Variants in CRACR2A observed in about 807,000 individuals in gnomAD.
CRACR2A encodes EF-hand calcium-binding domain-containing protein 4B.
In CRACR2A, 79 loss-of-function variants were observed where a neutral mutation model predicts 90.5. That is an observed-to-expected ratio of 0.87 (90% confidence interval 0.73 to 1.05). CRACR2A has a LOEUF of 1.05. Ranked by LOEUF, CRACR2A falls within the 50% of genes least tolerant of loss-of-function variation. CRACR2A has a pLI of 0.00. For missense variants in CRACR2A, 823 were observed against 897.2 expected (o/e 0.92, Z 1.06); for synonymous variants, 338 against 356.7 (o/e 0.95, Z 0.59).
At chr12:3,654,462 C>T (rs1944863287) in intron 9 of CRACR2A, 63 bp from the exon 10 acceptor site, 1 of 1,483,152 alleles carries the variant, frequency 6.7e-7, no homozygotes, top group East Asian at 2.4e-5. Context: ...AGGGCCTGCC[C>T]TGGCCTCACC....
chr12:3,712,057 C>T (rs546456254), intron 3 of CRACR2A, among the ~76,000 whole-genome samples: 13 of 152,268 alleles, frequency 8.5e-5, no homozygotes, highest in African/African-American at 3.1e-4. Context: ...CAATTATTTC[C>T]CCATCAAACC....
chr12:3,707,828 C>A (rs1282261285), intron 3 of CRACR2A, among the ~76,000 whole-genome samples: 1 of 152,132 alleles, frequency 6.6e-6, no homozygotes, highest in Non-Finnish European at 1.5e-5. Context: ...CCTTTCTTAT[C>A]GTTGTCTATA....
intron 1 of CRACR2A, among the ~76,000 whole-genome samples, chr12:3,744,137 C>T (rs149755030): frequency 1.9e-3 from 282 of 152,316 alleles, no homozygotes; most frequent in African/African-American, 6.3e-3. Flanking sequence ...AGCCAGAGAA[C>T]GTGCACCAAT....
Position 3,741,769 on chromosome 12 carries a change from T to A in CRACR2A, c.-386-8559A>T, listed in dbSNP as rs117597920. Among the ~76,000 whole-genome samples, 405 of 152,332 alleles carry A rather than the reference T, an allele frequency of 2.7e-3. 9 individuals carry two copies. The East Asian group carries it at 0.055, about 21-fold the overall frequency. On this transcript the variant is annotated intron_variant, in intron 1 of 19. Coordinates refer to ENST00000440314, the MANE Select transcript of CRACR2A (RefSeq NM_001144958.2). The stretch of plus-strand genomic sequence containing the variant: ...GAACAGCATTAGGAGTCACATCACA[T>A]CGGCATTTGCATTCAGAATGGGACA...
At chr12:3,621,396 CTT>C (rs796347863) in intron 17 of CRACR2A, among the ~76,000 whole-genome samples, 25 of 133,822 alleles carry the variant, frequency 1.9e-4, no homozygotes, top group East Asian at 4.3e-4. Flanking sequence ...CAGGTTTCTT[CTT>C]TTTTTTTTTT....
At chr12:3,618,060 C>A (rs1591630173) in intron 18 of CRACR2A, among the ~76,000 whole-genome samples, 2 of 152,026 alleles carry the variant, frequency 1.3e-5, no homozygotes, top group South Asian at 2.1e-4. Flanking sequence ...GGACTTAGAA[C>A]TGGAAGACAT....
chr12:3,739,286 C>T lies in CRACR2A; in HGVS notation c.-386-6076G>A, dbSNP rs549187203. Among the ~76,000 whole-genome samples the T allele has an allele frequency of 2.0e-5, 3 of 152,288 alleles. No individual in the cohort carries two copies. In the South Asian group the frequency reaches 6.2e-4, roughly 32 times the overall value. The stretch of plus-strand genomic sequence containing the variant: ...TATCTGAGAAACTTCAATCAAATTA[C>T]TTAATCTGTCAGAGTCTTGATTTCT... On this transcript the variant is annotated intron_variant, in intron 1 of 19. Transcript: ENST00000440314.
At chr12:3,743,087 G>C (rs1316968728) in intron 1 of CRACR2A, among the ~76,000 whole-genome samples, 1 of 152,358 alleles carries the variant, frequency 6.6e-6, no homozygotes, top group Non-Finnish European at 1.5e-5. Flanking sequence ...GATGTGGTGT[G>C]TGTTACAATC....
At chr12:3,622,874 G>T (rs773028729) in intron 17 of CRACR2A, among the ~76,000 whole-genome samples, 5 of 152,072 alleles carry the variant, frequency 3.3e-5, no homozygotes, top group Non-Finnish European at 7.4e-5. Context: ...ATTTTAAACT[G>T]CCAGCACTTC....
At chr12:3,641,902 G>A in intron 12 of CRACR2A, 64 bp from the exon 13 acceptor site, 2 of 1,424,008 alleles carry the variant, frequency 1.4e-6, no homozygotes, top group Non-Finnish European at 1.9e-6. Flanking sequence ...ACAGAAAAGG[G>A]CTCATGGTTC....
chr12:3,681,633 C>T (rs1010353769), intron 4 of CRACR2A, among the ~76,000 whole-genome samples: 1 of 152,204 alleles, frequency 6.6e-6, no homozygotes, highest in East Asian at 1.9e-4. Context: ...AAGCGGTAAC[C>T]GTGCGAAATT....
intron 4 of CRACR2A, among the ~76,000 whole-genome samples, chr12:3,692,642 A>G (rs537996566): frequency 6.6e-6 from 1 of 152,300 alleles, no homozygotes; most frequent in East Asian, 1.9e-4. Context: ...ACGTGCCAAC[A>G]GCAGCAGTGG....
chr12:3,751,065 T>C (rs760067661), intron 1 of CRACR2A, among the ~76,000 whole-genome samples: 5 of 152,212 alleles, frequency 3.3e-5, no homozygotes, highest in Non-Finnish European at 5.9e-5. Flanking sequence ...TCTACTCCAT[T>C]GTTCTCTGGG....
At chr12:3,707,121 GC>G (rs2137750804) in intron 3 of CRACR2A, among the ~76,000 whole-genome samples, 1 of 152,222 alleles carries the variant, frequency 6.6e-6, no homozygotes, top group South Asian at 2.1e-4. Context: ...AGGTGAATAT[GC>G]CCCACCAGCC....
rs771302213 is a variant in CRACR2A at position 3,680,270 on chromosome 12, T to C, written c.308A>G (p.Tyr103Cys). ...AGTAGTGAACTCCTGTGGGGTCAGA[T>C]AGCCATTGCCATCAGCATCCAGGGC... Reference protein sequence around the residue: ...FDALDADGNGYLTPQEFTTGF... With the variant: ...FDALDADGNGCLTPQEFTTGF... The change falls in exon 5 of 20, where the codon TAT becomes TGT. Residue 103 changes from tyrosine (Y) to cysteine (C), a missense_variant. By Grantham distance (194) the Tyr-to-Cys change is radical. Transcript: ENST00000440314. 22 of 1,614,064 alleles carry C rather than the reference T, an allele frequency of 1.4e-5. 1 individual carries two copies. The East Asian group carries it at 3.1e-4, about 23-fold the overall frequency.
intron 14 of CRACR2A, among the ~76,000 whole-genome samples, chr12:3,634,845 T>A (rs1277599100): frequency 9.2e-5 from 14 of 152,080 alleles, no homozygotes; most frequent in African/African-American, 2.9e-4. Flanking sequence ...TCTACAAAAA[T>A]TTAAACTAAA....
At chr12:3,703,163 T>C (rs868403905) in intron 3 of CRACR2A, among the ~76,000 whole-genome samples, 8 of 152,196 alleles carry the variant, frequency 5.3e-5, no homozygotes, top group Non-Finnish European at 8.8e-5. Context: ...ATCTCTGGCT[T>C]ACTGCAAGCT....
chr12:3,650,781 T>C (rs1944781059), intron 10 of CRACR2A, among the ~76,000 whole-genome samples: 1 of 152,222 alleles, frequency 6.6e-6, no homozygotes, highest in African/African-American at 2.4e-5. Context: ...ATTCTAAGTC[T>C]TCTCTGGCTC....
At chr12:3,684,889 C>T (rs1036624709) in intron 4 of CRACR2A, among the ~76,000 whole-genome samples, 1 of 152,214 alleles carries the variant, frequency 6.6e-6, no homozygotes, top group African/African-American at 2.4e-5. Flanking sequence ...GCTGCTGACC[C>T]TGAAGGCAAG....
Sources: allele counts gnomAD v4.1 joint callset (sites outside exome capture counted in the v4.1 genomes callset), GRCh38; gene constraint gnomAD v4.1.1; transcripts MANE v1.5; gene names NCBI Gene and HGNC (gene_info 2026-07-23, HGNC 2026-07-21).